Variants in ULK4 observed in about 807,000 individuals in gnomAD.
ULK4 encodes inactive serine/threonine-protein kinase ULK4.
Under a neutral mutation model 160.6 loss-of-function variants are expected in ULK4, and 133 were observed. The observed-to-expected ratio is 0.83, with a 90% CI of 0.72 to 0.96. ULK4 has a LOEUF of 0.96. Ranked by LOEUF, ULK4 falls within the 40% of genes least tolerant of loss-of-function variation. The pLI is 0.00. For missense variants in ULK4, 1,580 were observed against 1,499.5 expected (o/e 1.05, Z -0.89); for synonymous variants, 534 against 539.8 (o/e 0.99, Z 0.15).
chr3:41,709,894 C>T (rs1368892766), intron 25 of ULK4, among the ~76,000 whole-genome samples: 3 of 152,060 alleles, frequency 2.0e-5, no homozygotes, highest in East Asian at 1.9e-4. Context: ...GAGTAGTGTA[C>T]GTAACAACAA....
intron 32 of ULK4, among the ~76,000 whole-genome samples, chr3:41,527,478 C>A (rs1195203412): frequency 6.6e-6 from 1 of 152,206 alleles, no homozygotes; most frequent in Non-Finnish European, 1.5e-5. Flanking sequence ...TATCCTATCA[C>A]ATGGGAGAAA....
At chr3:41,907,818 G>T in intron 12 of ULK4, 27 bp downstream of exon 12, 1 of 1,462,986 alleles carries the variant, frequency 6.8e-7, no homozygotes, top group Non-Finnish European at 9.2e-7. Flanking sequence ...ATCTTATGTA[G>T]GAAGAAAATT....
intron 35 of ULK4, among the ~76,000 whole-genome samples, chr3:41,316,182 C>T (rs918533826): frequency 6.6e-6 from 1 of 152,118 alleles, no homozygotes; most frequent in African/African-American, 2.4e-5. Flanking sequence ...TGAGCTATGT[C>T]CATACAATGG....
chr3:41,506,938 G>A (rs1168612966), intron 32 of ULK4, among the ~76,000 whole-genome samples: 1 of 149,396 alleles, frequency 6.7e-6, no homozygotes, highest in South Asian at 2.1e-4. Context: ...GGGGCAGCAC[G>A]ACTCAAGACA....
chr3:41,495,005 C>T (rs1043599835), intron 32 of ULK4, among the ~76,000 whole-genome samples: 1 of 152,008 alleles, frequency 6.6e-6, no homozygotes, highest in Non-Finnish European at 1.5e-5. Flanking sequence ...GCCATACTGC[C>T]CAAGGTAATT....
At chr3:41,538,877 T>C (rs1390377998) in intron 32 of ULK4, among the ~76,000 whole-genome samples, 2 of 152,152 alleles carry the variant, frequency 1.3e-5, no homozygotes, top group Non-Finnish European at 2.9e-5. Context: ...AGCATGTGTA[T>C]GCATGAGTTT....
chr3:41,880,779 C>T (rs1342761969), intron 17 of ULK4, among the ~76,000 whole-genome samples: 1 of 152,018 alleles, frequency 6.6e-6, no homozygotes, highest in African/African-American at 2.4e-5. Context: ...CAAAACTTAG[C>T]AGAGCATGGT....
chr3:41,596,550 A>G (rs1388619718), intron 31 of ULK4, among the ~76,000 whole-genome samples: 1 of 152,174 alleles, frequency 6.6e-6, no homozygotes, highest in Non-Finnish European at 1.5e-5. Context: ...GGCTGGGTCA[A>G]TGGTCTGGAC....
At chr3:41,671,708 A>G (rs145031886) in intron 29 of ULK4, among the ~76,000 whole-genome samples, 2 of 152,250 alleles carry the variant, frequency 1.3e-5, no homozygotes, top group African/African-American at 4.8e-5. Flanking sequence ...AACATAAACA[A>G]AAATAGACAA....
intron 30 of ULK4, 97 bp downstream of exon 30, chr3:41,663,507 CATT>C: frequency 7.2e-6 from 8 of 1,113,390 alleles, no homozygotes; most frequent in South Asian, 2.7e-5. Flanking sequence ...ACAACTCAAA[CATT>C]AGTCTTTTGG....
chr3:41,605,219 A>G (rs2032318387), intron 31 of ULK4, among the ~76,000 whole-genome samples: 1 of 152,052 alleles, frequency 6.6e-6, no homozygotes, highest in South Asian at 2.1e-4. Context: ...AAACAACAGA[A>G]GGTACAATAG....
At chr3:41,274,688 A>C (rs1418451227) in intron 35 of ULK4, among the ~76,000 whole-genome samples, 4 of 152,144 alleles carry the variant, frequency 2.6e-5, no homozygotes, top group Non-Finnish European at 5.9e-5. Context: ...AAGCAGAATA[A>C]AATTTTGGTG....
At position 41,455,429 on chromosome 3, in the gene ULK4, T is replaced by C. The variant is rs145120512; in HGVS notation, c.3492+68A>G. ...AAAAATAACATAGAAACTCAAGAGA[T>C]CAGGAAATTCAAATAAAATTACTTC... On this transcript the variant is annotated intron_variant, in intron 34 of 36. Coordinates refer to ENST00000301831, the MANE Select transcript of ULK4 (RefSeq NM_017886.4). The C allele has an allele frequency of 1.2e-3, 1,709 of 1,398,782 alleles. 23 individuals are homozygous for C. In the African/African-American group the frequency reaches 0.022, roughly 18 times the overall value. The allele number at this position is 1,398,782 out of a possible 1,614,324, so 86.6% of individuals were successfully genotyped here. A position where few individuals can be genotyped will look rare whatever the true frequency, so the allele number is the denominator to read the frequency against.
At chr3:41,934,113 AAAT>A (rs528837851) in intron 4 of ULK4, among the ~76,000 whole-genome samples, 9 of 152,268 alleles carry the variant, frequency 5.9e-5, no homozygotes, top group Admixed American at 2.6e-4. Context: ...AAACAAATCA[AAAT>A]AATATTTCTA....
chr3:41,794,332 C>T (rs1297203536), intron 20 of ULK4, among the ~76,000 whole-genome samples: 1 of 152,126 alleles, frequency 6.6e-6, no homozygotes, highest in Non-Finnish European at 1.5e-5. Flanking sequence ...AAAGGAACAA[C>T]AGGACTTTTG....
intron 30 of ULK4, among the ~76,000 whole-genome samples, chr3:41,637,227 C>CA (rs1430727571): frequency 1.3e-5 from 2 of 152,156 alleles, no homozygotes; most frequent in African/African-American, 4.8e-5. Flanking sequence ...CCTCAGTAAC[C>CA]ACCAGTCTCC....
intron 35 of ULK4, among the ~76,000 whole-genome samples, chr3:41,364,866 C>T (rs568273993): frequency 6.6e-6 from 1 of 152,202 alleles, no homozygotes; most frequent in South Asian, 2.1e-4. Context: ...CTGGATTGTT[C>T]AGGAGCCTTC....
At chr3:41,657,983 C>T (rs1219314538) in intron 30 of ULK4, among the ~76,000 whole-genome samples, 1 of 151,952 alleles carries the variant, frequency 6.6e-6, no homozygotes, top group Non-Finnish European at 1.5e-5. Flanking sequence ...AGACCACTTA[C>T]AAAAATTGAC....
chr3:41,626,513 G>A (rs903979251), intron 30 of ULK4, among the ~76,000 whole-genome samples: 1 of 150,642 alleles, frequency 6.6e-6, no homozygotes, highest in Non-Finnish European at 1.5e-5. Flanking sequence ...TACTTTTCAT[G>A]TAAGAAAGTA....
Sources: allele counts gnomAD v4.1 joint callset (sites outside exome capture counted in the v4.1 genomes callset), GRCh38; gene constraint gnomAD v4.1.1; transcripts MANE v1.5; gene names NCBI Gene and HGNC (gene_info 2026-07-23, HGNC 2026-07-21).